MPPED1: variants seen among roughly 807,000 people sequenced by gnomAD.
MPPED1 encodes the protein metallophosphoesterase domain containing 1, also known as metallophosphoesterase domain-containing protein 1.
A neutral mutation model predicts 36.2 loss-of-function variants in MPPED1; 16 were observed. The observed-to-expected ratio is 0.44, with a 90% CI of 0.30 to 0.67. The LOEUF (loss-of-function observed/expected upper bound fraction) is 0.67, where lower values mean the gene tolerates loss of function less well. MPPED1 is among the 30% of genes least tolerant of loss of function. MPPED1 has a pLI of 0.10. For synonymous variants in MPPED1, 199 were observed against 191.3 expected, an observed-to-expected ratio of 1.04 and a Z score of -0.33; for missense variants, 307 against 453.4, an observed-to-expected ratio of 0.68 and a Z score of 2.93.
chr22:43,425,023 C>T lies in MPPED1; in HGVS notation c.38C>T (p.Ala13Val), dbSNP rs757740679. 2.5e-5 allele frequency: 40 copies of T among 1,609,034 alleles called. No individual in the cohort carries two copies. The highest frequency in any genetic ancestry group is 8.9e-5 in the South Asian group (8 of 90,338). ...AGGTGGGATGCCAGCGTCCTGAAGG[C>T]GGAGGCCCTGGCCCTCCTCCCCTGC... ...RSRWDASVLKAEALALLPCGL... is the reference protein window; with the variant it reads ...RSRWDASVLKVEALALLPCGL... Residue 13 changes from alanine to valine, a missense_variant, in exon 2 of 7, where the codon GCG becomes GTG. This residue lies in a region of MPPED1 where 169 missense variants were observed against 212.3 expected (regional missense o/e 0.80). Coordinates refer to ENST00000443721, the MANE Select transcript of MPPED1 (RefSeq NM_001044370.2).
chr22:43,419,824 C>G (rs995546472), intron 1 of MPPED1, among the ~76,000 whole-genome samples: 1 of 152,082 alleles, frequency 6.6e-6, no homozygotes. Flanking sequence ...ATACAGTTGG[C>G]GTCAAATGGG....
chr22:43,445,558 C>CT (rs135055), intron 3 of MPPED1, among the ~76,000 whole-genome samples: 13,386 of 123,812 alleles, frequency 0.11, 1,928 homozygotes, highest in African/African-American at 0.31. Flanking sequence ...CTGATGTTTC[C>CT]TTTTTTTTTT....
At chr22:43,437,899 G>T (rs894187266) in intron 3 of MPPED1, among the ~76,000 whole-genome samples, 1 of 152,202 alleles carries the variant, frequency 6.6e-6, no homozygotes, top group African/African-American at 2.4e-5. Context: ...GGCAGGGAAG[G>T]CAGTGGAACA....
intron 3 of MPPED1, among the ~76,000 whole-genome samples, chr22:43,473,879 G>A (rs909095909): frequency 1.3e-5 from 2 of 152,216 alleles, no homozygotes; most frequent in Non-Finnish European, 1.5e-5. Flanking sequence ...CAGAAAACTG[G>A]ACCCCAGAGA....
At chr22:43,415,458 T>C (rs187827432) in intron 1 of MPPED1, among the ~76,000 whole-genome samples, 168 of 152,096 alleles carry the variant, frequency 1.1e-3, no homozygotes, top group African/African-American at 3.5e-3. Context: ...TTATTTCCAC[T>C]TAAAATATCT....
intron 3 of MPPED1, among the ~76,000 whole-genome samples, chr22:43,461,049 A>G (rs1930940981): frequency 6.6e-6 from 1 of 152,182 alleles, no homozygotes; most frequent in African/African-American, 2.4e-5. Flanking sequence ...TCATTGAGCA[A>G]GCTCTGAGTC....
chr22:43,464,766 C>T (rs1244441901), intron 3 of MPPED1, among the ~76,000 whole-genome samples: 1 of 152,186 alleles, frequency 6.6e-6, no homozygotes, highest in Non-Finnish European at 1.5e-5. Flanking sequence ...TTTCTCTTAC[C>T]CACTCCCAGG....
chr22:43,499,797 A>G (rs1426402467), intron 5 of MPPED1, among the ~76,000 whole-genome samples: 11 of 5,748 alleles, frequency 1.9e-3, no homozygotes, highest in South Asian at 0.01. Flanking sequence ...GGTGGTGGTG[A>G]TGGAGGTGGT....
At chr22:43,448,578 T>TTTATTTA (rs1930446008) in intron 3 of MPPED1, among the ~76,000 whole-genome samples, 14 of 147,240 alleles carry the variant, frequency 9.5e-5, no homozygotes, top group African/African-American at 3.3e-4. Context: ...TTTAAAATCT[T>TTTATTTA]TTTATTTATT....
chr22:43,426,548 C>T (rs972523286), intron 2 of MPPED1, among the ~76,000 whole-genome samples: 3 of 152,184 alleles, frequency 2.0e-5, no homozygotes, highest in South Asian at 4.1e-4. Flanking sequence ...GGCATCCCAG[C>T]CGCTGTCCCT....
intron 3 of MPPED1, among the ~76,000 whole-genome samples, chr22:43,452,085 T>G (rs1405401046): frequency 6.6e-6 from 1 of 151,492 alleles, no homozygotes; most frequent in Admixed American, 6.6e-5. Context: ...TGGCATGATC[T>G]CGGCTCACTG....
chr22:43,424,460 G>A (rs1929386397), intron 1 of MPPED1, among the ~76,000 whole-genome samples: 1 of 152,200 alleles, frequency 6.6e-6, no homozygotes, highest in South Asian at 2.1e-4. Flanking sequence ...TTGGGGGTCT[G>A]TGGAGGATGG....
At chr22:43,431,061 A>T (rs1422519268) in intron 2 of MPPED1, among the ~76,000 whole-genome samples, 1 of 72,448 alleles carries the variant, frequency 1.4e-5, no homozygotes, top group Non-Finnish European at 2.5e-5. Flanking sequence ...TTTTTTTTTT[A>T]GACAGAGTCT....
At chr22:43,463,819 C>CTTTTTTTTTTTTT (rs1480549521) in intron 3 of MPPED1, among the ~76,000 whole-genome samples, 1 of 83,466 alleles carries the variant, frequency 1.2e-5, no homozygotes, top group Admixed American at 1.2e-4. Context: ...TTCTTTCTTT[C>CTTTTTTTTTTTTT]TTTCTTTCTT....
chr22:43,420,626 T>C (rs565784564), intron 1 of MPPED1, among the ~76,000 whole-genome samples: 1 of 152,202 alleles, frequency 6.6e-6, no homozygotes, highest in Admixed American at 6.5e-5. Flanking sequence ...GGTCTCGAAC[T>C]CCCGACCTCA....
At chr22:43,447,879 ATATATTT>A (rs1480214748) in intron 3 of MPPED1, among the ~76,000 whole-genome samples, 3 of 33,588 alleles carry the variant, frequency 8.9e-5, no homozygotes, top group East Asian at 1.5e-3. Flanking sequence ...ATATATATAT[ATATATTT>A]TTTTTTTTTT....
intron 3 of MPPED1, among the ~76,000 whole-genome samples, chr22:43,437,160 C>T (rs556155021): frequency 6.6e-6 from 1 of 152,252 alleles, no homozygotes; most frequent in South Asian, 2.1e-4. Flanking sequence ...GGGAACTCAC[C>T]CACTGCACAA....
At chr22:43,437,376 G>A (rs1000271312) in intron 3 of MPPED1, among the ~76,000 whole-genome samples, 2 of 152,198 alleles carry the variant, frequency 1.3e-5, no homozygotes, top group Non-Finnish European at 2.9e-5. Context: ...TGACAATGAG[G>A]CAGGAACTAT....
At chr22:43,436,024 G>T (rs928819666) in intron 3 of MPPED1, among the ~76,000 whole-genome samples, 18 of 152,220 alleles carry the variant, frequency 1.2e-4, no homozygotes, top group African/African-American at 4.3e-4. Flanking sequence ...GCAGCTGCTG[G>T]TCTCGGCAGC....
Sources: gnomAD v4.1 joint callset for allele counts (sites outside exome capture counted in the v4.1 genomes callset) on GRCh38, gnomAD v4.1.1 for gene constraint, gnomAD v4.1.1 regional missense constraint, MANE v1.5 for transcripts, NCBI Gene and HGNC (gene_info 2026-07-23, HGNC 2026-07-21) for gene names.